HPCAL1: variants seen among roughly 807,000 people sequenced by gnomAD.
HPCAL1 encodes hippocalcin like 1.
Under a neutral mutation model 17.1 loss-of-function variants are expected in HPCAL1, and 8 were observed. The ratio of observed to expected loss-of-function variants is 0.47; its 90% CI spans 0.27 to 0.84. HPCAL1 has a LOEUF of 0.84. Ranked by LOEUF, HPCAL1 falls within the 40% of genes least tolerant of loss-of-function variation. The probability of loss-of-function intolerance (pLI) is 0.13; values close to 1 mark genes in which losing one functional copy is unlikely to be tolerated. For synonymous variants in HPCAL1, 112 were observed against 111.4 expected, an observed-to-expected ratio of 1.01 and a Z score of -0.03; for missense variants, 165 against 271.1, an observed-to-expected ratio of 0.61 and a Z score of 2.75.
intron 1 of HPCAL1, among the ~76,000 whole-genome samples, chr2:10,355,557 G>A (rs1666102483): frequency 6.8e-6 from 1 of 146,314 alleles, no homozygotes; most frequent in Admixed American, 6.8e-5. Context: ...TCTGGAAAAT[G>A]TAAAAAGTTG....
intron 2 of HPCAL1, among the ~76,000 whole-genome samples, chr2:10,406,512 G>A (rs1391025099): frequency 1.3e-5 from 2 of 152,264 alleles, no homozygotes; most frequent in African/African-American, 4.8e-5. Flanking sequence ...TGTGGGTGAA[G>A]GAACCAGTCC....
intron 1 of HPCAL1, among the ~76,000 whole-genome samples, chr2:10,333,987 T>G (rs1664548245): frequency 6.6e-6 from 1 of 152,230 alleles, no homozygotes; most frequent in African/African-American, 2.4e-5. Flanking sequence ...TGTTTTATTT[T>G]GATTGATTGT....
Position 10,330,478 on chromosome 2 carries a change from C to CTT in HPCAL1, c.-111+27310_-111+27311dup, listed in dbSNP as rs34093850. Among the ~76,000 whole-genome samples the CTT allele has an allele frequency of 0.04, 5,928 of 149,740 alleles. 161 individuals are homozygous for CTT. The highest frequency in any genetic ancestry group is 0.14 in the South Asian group (663 of 4,738). ...CTGGGTGCCTTAAACAACAGGAATT[C>CTT]TTTTTTTTTTACAGTATTGGAGGCT... On this transcript the variant is annotated intron_variant, in intron 1 of 4. Transcript: ENST00000307845. This position sits in a 1 kb window ranked among gnomAD's most constrained non-coding sequence, Gnocchi z 4.2.
At chr2:10,338,500 A>G (rs1558468884) in intron 1 of HPCAL1, among the ~76,000 whole-genome samples, 1 of 151,680 alleles carries the variant, frequency 6.6e-6, no homozygotes, top group Non-Finnish European at 1.5e-5. Context: ...TTGGCATGAG[A>G]CTCCGTGAGA....
intron 3 of HPCAL1, 69 bp from the exon 4 acceptor site, chr2:10,422,914 A>G (rs1362826888): frequency 1.8e-6 from 2 of 1,115,470 alleles, no homozygotes; most frequent in African/African-American, 1.5e-5. Context: ...GCTGGGCGGA[A>G]GCCCACCCTT....
intron 1 of HPCAL1, among the ~76,000 whole-genome samples, chr2:10,366,139 C>T (rs1020839180): frequency 1.3e-5 from 2 of 152,316 alleles, no homozygotes; most frequent in African/African-American, 4.8e-5. Context: ...GAGAGCTGGC[C>T]TCTCAGCACA....
intron 1 of HPCAL1, among the ~76,000 whole-genome samples, chr2:10,387,418 C>T (rs1439618371): frequency 2.6e-5 from 4 of 152,248 alleles, no homozygotes; most frequent in South Asian, 4.1e-4. Flanking sequence ...TTGGTGTATT[C>T]CCCCACCCTC....
chr2:10,414,594 T>C (rs4668686), intron 2 of HPCAL1, among the ~76,000 whole-genome samples: 152,262 of 152,316 alleles, frequency 1, 76,104 homozygotes, highest in Middle Eastern at 1. Context: ...AAGACTGTGT[T>C]TCCAAGTACA....
chr2:10,378,573 C>G (rs915023658), intron 1 of HPCAL1, among the ~76,000 whole-genome samples: 1 of 152,108 alleles, frequency 6.6e-6, no homozygotes, highest in Non-Finnish European at 1.5e-5. Flanking sequence ...ATAGTCTCTT[C>G]CTCTTCTTAC....
chr2:10,412,639 C>A (rs1670424297), intron 2 of HPCAL1, among the ~76,000 whole-genome samples: 2 of 152,198 alleles, frequency 1.3e-5, no homozygotes, highest in African/African-American at 4.8e-5. Flanking sequence ...GCTGTGTGCC[C>A]TGGAAGAAAA....
chr2:10,324,413 G>A (rs538054094), intron 1 of HPCAL1: 1 of 152,350 alleles, frequency 6.6e-6, no homozygotes, highest in Admixed American at 6.5e-5. Flanking sequence ...AAAAACTGGG[G>A]TTCAGCCAGA....
chr2:10,338,118 C>T (rs1444833911), intron 1 of HPCAL1, among the ~76,000 whole-genome samples: 3 of 151,778 alleles, frequency 2.0e-5, no homozygotes, highest in African/African-American at 4.8e-5. Context: ...TGTACATGAG[C>T]GGTGCAGAAT....
chr2:10,322,084 G>A (rs796592085), intron 1 of HPCAL1, among the ~76,000 whole-genome samples: 3 of 151,986 alleles, frequency 2.0e-5, no homozygotes, highest in African/African-American at 4.8e-5. Context: ...GTGCAGTGGC[G>A]CCATCATAGC....
At chr2:10,379,910 G>GC (rs1328123970) in intron 1 of HPCAL1, among the ~76,000 whole-genome samples, 1 of 152,150 alleles carries the variant, frequency 6.6e-6, no homozygotes, top group African/African-American at 2.4e-5. Context: ...CTATACTGCA[G>GC]CCCCCCTCAA....
chr2:10,324,947 C>G lies in HPCAL1; in HGVS notation c.-111+21770C>G, dbSNP rs868359716. ...AAGTGATTCTCCTGCCTCAGCCTCC[C>G]GAGTAGCTGGGATTGCAGGCCTGCA... On this transcript the variant is annotated intron_variant, in intron 1 of 4. Coordinates refer to ENST00000307845, the MANE Select transcript of HPCAL1 (RefSeq NM_002149.4). Among the ~76,000 whole-genome samples the G allele has an allele frequency of 2.7e-5, 4 of 150,072 alleles. No individual in the cohort carries two copies. The East Asian group carries it at 7.9e-4, about 30-fold the overall frequency.
intron 1 of HPCAL1, among the ~76,000 whole-genome samples, chr2:10,327,823 G>C (rs1664109168): frequency 6.6e-6 from 1 of 152,318 alleles, no homozygotes; most frequent in South Asian, 2.1e-4. Context: ...TGAATTCTCT[G>C]TGTAGCACTT....
chr2:10,372,681 G>A (rs983268567), intron 1 of HPCAL1, among the ~76,000 whole-genome samples: 10 of 152,206 alleles, frequency 6.6e-5, no homozygotes, highest in South Asian at 4.1e-4. Context: ...GGAGGGTGGC[G>A]TGGGTCCCAT....
At chr2:10,373,936 T>G (rs955667301) in intron 1 of HPCAL1, among the ~76,000 whole-genome samples, 2 of 152,168 alleles carry the variant, frequency 1.3e-5, no homozygotes, top group African/African-American at 2.4e-5. Flanking sequence ...GGGGTTGGCT[T>G]TATGATGCAT....
chr2:10,426,179 A>C (rs959594332), intron 4 of HPCAL1: 4 of 153,058 alleles, frequency 2.6e-5, no homozygotes, highest in Non-Finnish European at 5.8e-5. Flanking sequence ...GCGGAGGATG[A>C]GGGGGCAGCT....
Sources: allele counts gnomAD v4.1 joint callset (sites outside exome capture counted in the v4.1 genomes callset), GRCh38; gene constraint gnomAD v4.1.1; non-coding constraint Gnocchi (gnomAD v3.1); transcripts MANE v1.5; gene names NCBI Gene and HGNC (gene_info 2026-07-23, HGNC 2026-07-21).